Variants in ZNF613 observed in about 807,000 individuals in gnomAD.
The protein encoded by ZNF613 is zinc finger protein 613.
A neutral mutation model predicts 14.3 loss-of-function variants in ZNF613; 8 were observed. That is an observed-to-expected ratio of 0.56 (90% CI 0.33 to 1.01). The LOEUF is 1.01. Ranked by LOEUF, ZNF613 falls within the 50% of genes least tolerant of loss-of-function variation. The pLI, the probability that ZNF613 is intolerant of heterozygous loss-of-function variation, is 0.03. For synonymous variants in ZNF613, 228 were observed against 254.5 expected, an observed-to-expected ratio of 0.90 and a Z score of 0.99; for missense variants, 656 against 741.9, an observed-to-expected ratio of 0.88 and a Z score of 1.35.
Position 51,945,176 on chromosome 19 carries a change from TG to T in ZNF613, c.1294del (p.Glu432AsnfsTer12), listed in dbSNP as rs777974736. The T allele has an allele frequency of 6.2e-7, 1 of 1,614,140 alleles. No individual in the cohort carries two copies. Among genetic ancestry groups the T allele is most frequent in the Non-Finnish European group, 8.5e-7 (1 of 1,180,004 alleles). On this transcript the variant is annotated frameshift_variant, in exon 6 of 6. Coordinates refer to ENST00000293471, the MANE Select transcript of ZNF613 (RefSeq NM_001031721.4). LOFTEE classifies it low-confidence loss of function (END_TRUNC). ...CTGGAGAGAAACCCTATGTATGCAATGAATGTGGGAAAGGCTTCAGCCAGAA... is the reference window on the plus strand; with the variant it reads ...CTGGAGAGAAACCCTATGTATGCAATAATGTGGGAAAGGCTTCAGCCAGAA... ...HTGEKPYVCNECGKGFSQKTC... is the reference protein window; with the variant it reads ...HTGEKPYVCNXCGKGFSQKTC...
chr19:51,934,892 A>G (rs1195223052), intron 2 of ZNF613, among the ~76,000 whole-genome samples: 6 of 152,190 alleles, frequency 3.9e-5, no homozygotes, highest in African/African-American at 1.2e-4. Flanking sequence ...TGGGTTCTGC[A>G]CCTTTCCACT....
At chr19:51,928,649 C>A (rs768684796) in intron 1 of ZNF613, among the ~76,000 whole-genome samples, 1 of 151,934 alleles carries the variant, frequency 6.6e-6, no homozygotes, top group Non-Finnish European at 1.5e-5. Flanking sequence ...TTGCTCGAGC[C>A]TAGAAGTTGG....
chr19:51,939,341 T>C (rs1383377896), intron 3 of ZNF613, among the ~76,000 whole-genome samples: 7 of 152,010 alleles, frequency 4.6e-5, no homozygotes, highest in Non-Finnish European at 8.8e-5. Flanking sequence ...TTTATGTATT[T>C]ATTTTGAGAT....
At position 51,945,889 on chromosome 19, in the gene ZNF613, A is replaced by C; in HGVS notation, c.*152A>C. 1 of 783,960 alleles carries C rather than the reference A, an allele frequency of 1.3e-6. No homozygotes were observed. Among genetic ancestry groups the C allele is most frequent in the South Asian group, 1.8e-5 (1 of 54,610 alleles). 48.6% of individuals were successfully genotyped at this position (783,960 alleles called of 1,614,324 possible). A position where few individuals can be genotyped will look rare whatever the true frequency, so the allele number is the denominator to read the frequency against. On this transcript the variant is annotated 3_prime_UTR_variant, in exon 6 of 6. Transcript: ENST00000293471. ...AATAAGCATATACTCAGAGAAAAAT[A>C]GTATGAAGTGGAGACTGGGAAATTC...
At position 51,939,703 on chromosome 19, in the gene ZNF613, G is replaced by A. The variant is rs564984876; in HGVS notation, c.16-506G>A. On this transcript the variant is annotated intron_variant, in intron 3 of 5. Coordinates refer to ENST00000293471, the MANE Select transcript of ZNF613 (RefSeq NM_001031721.4). ...ATACTTAATTGTCTCTTGTTCTTTG[G>A]ACATGTTTTGGAAAGAGTCTTTTAC... is the stretch of plus-strand genomic sequence containing the variant. 9.9e-5 allele frequency among the ~76,000 whole-genome samples: 15 copies of A among 152,144 alleles called. No individual in the cohort carries two copies. In the South Asian group the frequency reaches 3.1e-3, roughly 32 times the overall value.
Position 51,944,960 on chromosome 19 carries a change from C to G in ZNF613, c.1077C>G (p.Leu359=). 1.9e-6 allele frequency: 3 copies of G among 1,614,020 alleles called. No homozygotes were observed. Among genetic ancestry groups the G allele is most frequent in the Non-Finnish European group, 1.7e-6 (2 of 1,180,008 alleles). The change falls in exon 6 of 6, where the codon CTC becomes CTG. Residue 359 remains leucine (L), a synonymous_variant. Coordinates refer to ENST00000293471, the MANE Select transcript of ZNF613 (RefSeq NM_001031721.4). ...AAGCATTCCGCTGGAAATCACAGCT[C>G]AATGCACATCAGAAAGCTCACACAG... ...CDKAFRWKSQ[L]NAHQKAHTGE...
intron 1 of ZNF613, chr19:51,927,851 T>C (rs1174343035): frequency 1.3e-5 from 2 of 151,558 alleles, no homozygotes. Flanking sequence ...GGATTCGGGG[T>C]TTTATTTTTT....
Position 51,946,042 on chromosome 19 carries a change from G to A in ZNF613, c.*305G>A. 3.0e-6 allele frequency: 1 copy of A among 337,220 alleles called. No individual in the cohort carries two copies. The allele number at this position is 337,220 out of a possible 1,614,324, so 20.9% of individuals were successfully genotyped here. ...AAACAGTACGCCAGTAGGTATCAGGGGGTTTACACAGGAGAGAAACTTTTG... is the reference window on the plus strand; with the variant it reads ...AAACAGTACGCCAGTAGGTATCAGGAGGTTTACACAGGAGAGAAACTTTTG... On this transcript the variant is annotated 3_prime_UTR_variant, in exon 6 of 6. Transcript: ENST00000293471.
At chr19:51,936,377 A>G (rs1226885904) in intron 3 of ZNF613, 142 bp downstream of exon 3, 1 of 801,020 alleles carries the variant, frequency 1.2e-6, no homozygotes, top group African/African-American at 1.7e-5. Flanking sequence ...TAATTTCAAC[A>G]TCTAGGCAAA....
At chr19:51,938,097 T>C (rs528227277) in intron 3 of ZNF613, among the ~76,000 whole-genome samples, 19 of 152,032 alleles carry the variant, frequency 1.2e-4, no homozygotes, top group Non-Finnish European at 2.6e-4. Context: ...AGAGACCTTT[T>C]TGGGAAGAGG....
Position 51,945,527 on chromosome 19 carries a change from T to C in ZNF613, c.1644T>C (p.Asn548=), listed in dbSNP as rs141015067. The change falls in exon 6 of 6, where the codon AAT becomes AAC. Residue 548 remains asparagine (N), a synonymous_variant. Coordinates refer to ENST00000293471, the MANE Select transcript of ZNF613 (RefSeq NM_001031721.4). ...GTGTAGGTTCAGTCAAATTGGAAAA[T>C]CCTTGCTCAGAGAGTCATAGCTTAT... ...EKCVGSVKLE[N]PCSESHSLSH... The C allele has an allele frequency of 2.6e-4, 425 of 1,614,152 alleles. No homozygotes were observed. Among genetic ancestry groups the C allele is most frequent in the Admixed American group, 3.5e-4 (21 of 60,018 alleles).
intron 2 of ZNF613, among the ~76,000 whole-genome samples, chr19:51,932,302 C>CTTTTTTTTT (rs34474633): frequency 3.3e-5 from 3 of 90,942 alleles, no homozygotes; most frequent in Non-Finnish European, 4.2e-5. Context: ...CTCCCAACAT[C>CTTTTTTTTT]TTTTTTTTTT....
In ZNF613 at chr19:51,945,255, T is replaced by G. The variant is rs2085388897; in HGVS notation, c.1372T>G (p.Cys458Gly). The change falls in exon 6 of 6, where the codon TGT becomes GGT. Residue 458 changes from cysteine to glycine, a missense_variant. Physicochemically the swap from Cys to Gly is radical, Grantham distance 159. Coordinates refer to ENST00000293471, the MANE Select transcript of ZNF613 (RefSeq NM_001031721.4). Reference sequence around the variant, plus strand: ...TCACACAGGAAAGACACCCTTTGTATGTACTGAGTGTGGAAAATCCTGCTC... The same window carrying G: ...TCACACAGGAAAGACACCCTTTGTAGGTACTGAGTGTGGAAAATCCTGCTC... The part of the protein sequence containing the change: ...RFHTGKTPFV[C>G]TECGKSCSHK... The G allele has an allele frequency of 6.2e-7, 1 of 1,614,152 alleles. No homozygotes were observed. Among genetic ancestry groups the G allele is most frequent in the Non-Finnish European group, 8.5e-7 (1 of 1,180,028 alleles).
intron 2 of ZNF613, 88 bp downstream of exon 2, chr19:51,929,984 AG>A (rs1367629000): frequency 6.6e-6 from 1 of 152,200 alleles, no homozygotes; most frequent in Non-Finnish European, 1.5e-5. Context: ...TCCTAATTAC[AG>A]GTCTATTAGT....
intron 5 of ZNF613, among the ~76,000 whole-genome samples, chr19:51,942,171 T>C (rs944590034): frequency 5.9e-5 from 9 of 152,244 alleles, no homozygotes; most frequent in Non-Finnish European, 1.0e-4. Flanking sequence ...GCCAACTATA[T>C]ATAAAGCACT....
chr19:51,945,424 G>GCT lies in ZNF613; in HGVS notation c.1544_1545dup (p.Asp516LeufsTer27). The GCT allele has an allele frequency of 6.2e-7, 1 of 1,613,788 alleles. No homozygotes were observed. The highest frequency in any genetic ancestry group is 8.5e-7 in the Non-Finnish European group (1 of 1,179,744). On this transcript the variant is annotated frameshift_variant, in exon 6 of 6. Transcript: ENST00000293471. LOFTEE classifies it low-confidence loss of function (END_TRUNC). Reference sequence around the variant, plus strand: ...CATACAGGGGAGAGACCGTATGGATGCTCTGATTGTGGGAAAGCTTTCTCC... The same window carrying GCT: ...CATACAGGGGAGAGACCGTATGGATGCTCTCTGATTGTGGGAAAGCTTTCTCC...
Position 51,944,362 on chromosome 19 carries a change from A to G in ZNF613, c.479A>G (p.Asp160Gly). Residue 160 changes from aspartate to glycine, a missense_variant, in exon 6 of 6, where the codon GAT becomes GGT. Coordinates refer to ENST00000293471, the MANE Select transcript of ZNF613 (RefSeq NM_001031721.4). ...AAGAATTCTGTGGGGGTTAATGGAG[A>G]TGGGAAATCCTTCCTTCATGCCAAG... is the stretch of plus-strand genomic sequence containing the variant. ...EIKNSVGVNG[D>G]GKSFLHAKHE... The G allele has an allele frequency of 6.2e-7, 1 of 1,600,408 alleles. No homozygotes were observed. Among genetic ancestry groups the G allele is most frequent in the African/African-American group, 1.3e-5 (1 of 74,736 alleles).
chr19:51,931,302 A>T (rs1013449845), intron 2 of ZNF613, among the ~76,000 whole-genome samples: 3 of 152,226 alleles, frequency 2.0e-5, no homozygotes, highest in East Asian at 3.8e-4. Context: ...TTGTTTAGTC[A>T]CTTAATACTG....
Position 51,936,124 on chromosome 19 carries a change from A to G in ZNF613, c.-97A>G. 2 of 1,343,668 alleles carry G rather than the reference A, an allele frequency of 1.5e-6. No individual in the cohort carries two copies. Among genetic ancestry groups the G allele is most frequent in the African/African-American group, 1.5e-5 (1 of 68,046 alleles). The allele number at this position is 1,343,668 out of a possible 1,614,324, so 83.2% of individuals were successfully genotyped here. ...ATCCTTTGCAGGGATGTAATTCACC[A>G]GAGACCAAGATTTCTAGCCAGAAAT... On this transcript the variant is annotated 5_prime_UTR_variant, in exon 3 of 6. Coordinates refer to ENST00000293471, the MANE Select transcript of ZNF613 (RefSeq NM_001031721.4).
Sources: allele counts gnomAD v4.1 joint callset (sites outside exome capture counted in the v4.1 genomes callset), GRCh38; gene constraint gnomAD v4.1.1; transcripts MANE v1.5; gene names NCBI Gene and HGNC (gene_info 2026-07-23, HGNC 2026-07-21).